The following COL5A1 variants were observed in gnomAD, a reference collection of about 807,000 sequenced individuals.
COL5A1 encodes the protein collagen alpha-1(V) chain.
COL5A1 carries 16 observed loss-of-function variants against 263.7 expected under a neutral mutation model. That is an observed-to-expected ratio of 0.06 (90% CI 0.04 to 0.09). COL5A1 has a LOEUF of 0.09. Among genes scored for constraint, COL5A1 ranks in the 10% least tolerant of loss-of-function variants. COL5A1 has a pLI of 1.00. For synonymous variants in COL5A1, 1,012 were observed against 1,004.5 expected (o/e 1.01, Z -0.14); for missense variants, 2,036 against 2,540.5 (o/e 0.80, Z 4.27).
chr9:134,683,672 G>T (rs1311417126), intron 1 of COL5A1, among the ~76,000 whole-genome samples: 1 of 152,154 alleles, frequency 6.6e-6, no homozygotes, highest in African/African-American at 2.4e-5. Context: ...TCCTGTGCAG[G>T]CCCCGGTCCT....
chr9:134,841,929 C>T lies in COL5A1; in HGVS notation c.5371-228C>T, dbSNP rs561361778. 1.7e-4 allele frequency among the ~76,000 whole-genome samples: 26 copies of T among 152,258 alleles called. No homozygotes were observed. The highest frequency in any genetic ancestry group is 8.5e-4 in the Admixed American group (13 of 15,300). On this transcript the variant is annotated intron_variant, in intron 65 of 65. Transcript: ENST00000371817. The surrounding 1 kb of genome is among the most constrained non-coding windows in gnomAD (Gnocchi z 4.8). ...TGTCGCCTCGCTGATGCCCACACCACCCCACCTCCGACCTGTGCAGGGGGA... is the reference window on the plus strand; with the variant it reads ...TGTCGCCTCGCTGATGCCCACACCATCCCACCTCCGACCTGTGCAGGGGGA...
chr9:134,768,207 A>T (rs1836744013), intron 24 of COL5A1, among the ~76,000 whole-genome samples: 1 of 152,210 alleles, frequency 6.6e-6, no homozygotes, highest in African/African-American at 2.4e-5. Flanking sequence ...GCAGAACCTG[A>T]AGGTGCTGAG....
chr9:134,703,641 T>TC (rs1833744917), intron 4 of COL5A1, among the ~76,000 whole-genome samples: 1 of 136,622 alleles, frequency 7.3e-6, no homozygotes, highest in East Asian at 2.1e-4. Flanking sequence ...TTTTTTTTTT[T>TC]TTTTTTTTTT....
intron 25 of COL5A1, among the ~76,000 whole-genome samples, chr9:134,768,728 C>T (rs1043837244): frequency 6.6e-6 from 1 of 152,198 alleles, no homozygotes; most frequent in Non-Finnish European, 1.5e-5. Flanking sequence ...GATTAATTAC[C>T]GGAAGTCAGG....
chr9:134,717,615 C>T (rs564449782), intron 4 of COL5A1, among the ~76,000 whole-genome samples: 8 of 152,252 alleles, frequency 5.3e-5, no homozygotes, highest in Non-Finnish European at 1.0e-4. Flanking sequence ...ACAACGTGCC[C>T]GCCTGCCAGG....
Position 134,642,235 on chromosome 9 carries a change from C to T in COL5A1, c.48C>T (p.Gly16=), listed in dbSNP as rs1416832493. Residue 16 remains glycine (G), a synonymous_variant, in exon 1 of 66, where the codon GGC becomes GGT. Coordinates refer to ENST00000371817, the MANE Select transcript of COL5A1 (RefSeq NM_000093.5). This position sits in a 1 kb window ranked among gnomAD's most constrained non-coding sequence, Gnocchi z 4.5. ...AAGCGCGCAGCGCGCTCCGCCCGGG[C>T]GCCCCGCTGCTGCCCCCGCTGCTGC... ...RWKARSALRP[G]APLLPPLLLL... is the part of the protein sequence containing the mutation. The T allele has an allele frequency of 1.5e-6, 2 of 1,293,816 alleles. No individual in the cohort carries two copies. Among genetic ancestry groups the T allele is most frequent in the South Asian group, 2.3e-5 (1 of 43,132 alleles). 80.1% of individuals were successfully genotyped at this position (1,293,816 alleles called of 1,614,324 possible). A position where few individuals can be genotyped will look rare whatever the true frequency, so the allele number is the denominator to read the frequency against.
At chr9:134,729,528 G>A (rs557046664) in intron 6 of COL5A1, among the ~76,000 whole-genome samples, 7 of 151,320 alleles carry the variant, frequency 4.6e-5, no homozygotes, top group East Asian at 2.0e-4. Context: ...GTGTGTGAGC[G>A]TGTGTGCATG....
In COL5A1 at chr9:134,652,003, G is replaced by A. The variant is rs927808426; in HGVS notation, c.109+9707G>A. Among the ~76,000 whole-genome samples the A allele has an allele frequency of 6.6e-6, 1 of 152,142 alleles. No homozygotes were observed. The highest frequency in any genetic ancestry group is 1.5e-5 in the Non-Finnish European group (1 of 68,034). The stretch of plus-strand genomic sequence containing the variant: ...GGACGTTCCCCTTCCTTCTTTCTAA[G>A]GAGGGATGGTGACTCCCAGAGGTAT... On this transcript the variant is annotated intron_variant, in intron 1 of 65. Transcript: ENST00000371817. The surrounding 1 kb of genome is among the most constrained non-coding windows in gnomAD (Gnocchi z 4.4).
intron 19 of COL5A1, among the ~76,000 whole-genome samples, 158 bp downstream of exon 19, chr9:134,762,136 G>C (rs1002604944): frequency 6.6e-6 from 1 of 152,220 alleles, no homozygotes; most frequent in African/African-American, 2.4e-5. Context: ...TGGGCAAAGC[G>C]ATTGATCAGA....
chr9:134,769,762 C>T (rs1836808462), intron 25 of COL5A1, among the ~76,000 whole-genome samples: 1 of 151,784 alleles, frequency 6.6e-6, no homozygotes, highest in Admixed American at 6.6e-5. Context: ...GGCTGTACCC[C>T]TCTTTCCTTC....
rs770896795 is a variant in COL5A1 at position 134,700,098 on chromosome 9, G to A, written c.467G>A (p.Arg156Gln). The A allele has an allele frequency of 3.1e-5, 50 of 1,607,954 alleles. No homozygotes were observed. Among genetic ancestry groups the A allele is most frequent in the Middle Eastern group, 3.3e-4 (2 of 6,032 alleles). ...GGCCCGGAAGACTACCCCCTCTTCC[G>A]GGGCATCAACCTGTCAGATGGCAAG... Reference protein sequence around the residue: ...KPGPEDYPLFRGINLSDGKWH... With the variant: ...KPGPEDYPLFQGINLSDGKWH... Residue 156 changes from arginine to glutamine, a missense_variant, in exon 3 of 66, where the codon CGG (arginine) becomes CAG (glutamine). By Grantham distance (43) the Arg-to-Gln change is conservative. This residue lies in a region of COL5A1 where 600 missense variants were observed against 634.5 expected (regional missense o/e 0.95). Transcript: ENST00000371817. This position sits in a 1 kb window ranked among gnomAD's most constrained non-coding sequence, Gnocchi z 4.0.
chr9:134,740,800 G>A (rs561703536), intron 11 of COL5A1, among the ~76,000 whole-genome samples: 1 of 152,346 alleles, frequency 6.6e-6, no homozygotes, highest in African/African-American at 2.4e-5. Context: ...AGCTGCCGTG[G>A]AGGAGCCAAG....
chr9:134,659,812 T>C (rs1340617094), intron 1 of COL5A1, among the ~76,000 whole-genome samples: 1 of 152,214 alleles, frequency 6.6e-6, no homozygotes. Context: ...CTGGAGCCTG[T>C]GCCCAGCTGT....
chr9:134,816,652 C>A (rs1471185824), intron 52 of COL5A1, among the ~76,000 whole-genome samples: 1 of 152,246 alleles, frequency 6.6e-6, no homozygotes, highest in Non-Finnish European at 1.5e-5. Flanking sequence ...CAGACACCCC[C>A]AGTCCACCAC....
intron 64 of COL5A1, 80 bp downstream of exon 64, chr9:134,830,124 G>A: frequency 6.2e-7 from 1 of 1,612,786 alleles, no homozygotes; most frequent in Non-Finnish European, 8.5e-7. Flanking sequence ...ATGGCCCGCT[G>A]GCCCAAAGAG....
chr9:134,656,793 T>C (rs1319582756), intron 1 of COL5A1, among the ~76,000 whole-genome samples: 1 of 150,818 alleles, frequency 6.6e-6, no homozygotes, highest in Non-Finnish European at 1.5e-5. Flanking sequence ...CTAAAGCTGC[T>C]GTTTGCAGCT....
At chr9:134,828,603 T>C (rs1164513708) in intron 63 of COL5A1, among the ~76,000 whole-genome samples, 1 of 3,858 alleles carries the variant, frequency 2.6e-4, no homozygotes, top group Non-Finnish European at 5.2e-4. Flanking sequence ...ATCACACAGA[T>C]ACACACCATA....
chr9:134,768,936 C>T (rs570805831), intron 25 of COL5A1, among the ~76,000 whole-genome samples: 9 of 152,178 alleles, frequency 5.9e-5, no homozygotes, highest in African/African-American at 1.7e-4. Flanking sequence ...CTGGAAATAG[C>T]GAGTTGGTGA....
intron 44 of COL5A1, 116 bp downstream of exon 44, chr9:134,810,424 A>G (rs1838479599): frequency 1.4e-5 from 14 of 1,017,332 alleles, no homozygotes; most frequent in Non-Finnish European, 1.8e-5. Flanking sequence ...CTAGCGGGAC[A>G]TGCTGTGAAA....
Sources: gnomAD v4.1 joint callset for allele counts (sites outside exome capture counted in the v4.1 genomes callset) on GRCh38, gnomAD v4.1.1 for gene constraint, gnomAD v4.1.1 regional missense constraint, Gnocchi (gnomAD v3.1) non-coding constraint, MANE v1.5 for transcripts, NCBI Gene and HGNC (gene_info 2026-07-23, HGNC 2026-07-21) for gene names.